AIDA: variants seen among roughly 807,000 people sequenced by gnomAD.
The protein encoded by AIDA is axin interactor, dorsalization associated, also known as axin interactor, dorsalization-associated protein.
Under a neutral mutation model 42.7 loss-of-function variants are expected in AIDA, and 18 were observed. That is an observed-to-expected ratio of 0.42 (90% CI 0.29 to 0.63). The LOEUF (loss-of-function observed/expected upper bound fraction) is 0.63, where lower values mean the gene tolerates loss of function less well. Ranked by LOEUF, AIDA falls within the 20% of genes least tolerant of loss-of-function variation. The pLI is 0.19. For synonymous variants in AIDA, 104 were observed against 122.9 expected (o/e 0.85, Z 1.02); for missense variants, 250 against 354.1 (o/e 0.71, Z 2.36).
chr1:222,681,860 C>G (rs998283314), intron 6 of AIDA, among the ~76,000 whole-genome samples: 6 of 152,154 alleles, frequency 3.9e-5, no homozygotes, highest in South Asian at 2.1e-4. Context: ...GTACCACTCT[C>G]CCTCCTACAG....
At chr1:222,686,141 A>C (rs907733198) in intron 6 of AIDA, among the ~76,000 whole-genome samples, 6 of 152,190 alleles carry the variant, frequency 3.9e-5, no homozygotes, top group African/African-American at 1.4e-4. Context: ...AGCTTGGGTG[A>C]CAGAACGAGA....
chr1:222,673,457 CTTTAGGAACATTCAAA>C, intron 7 of AIDA, 22 bp from the exon 8 acceptor site: 2 of 1,543,142 alleles, frequency 1.3e-6, no homozygotes, highest in Non-Finnish European at 1.7e-6. Flanking sequence ...AGAAGTTTCT[CTTTAGGAACATTCAAA>C]TATACAGACT....
chr1:222,673,901 T>G (rs1256795606), intron 7 of AIDA, among the ~76,000 whole-genome samples: 1 of 151,994 alleles, frequency 6.6e-6, no homozygotes, highest in Non-Finnish European at 1.5e-5. Context: ...CTGACCAACA[T>G]GGGGAAACCC....
chr1:222,691,007 T>C (rs1333681900), intron 4 of AIDA, among the ~76,000 whole-genome samples: 5 of 152,168 alleles, frequency 3.3e-5, no homozygotes, highest in African/African-American at 1.2e-4. Context: ...CAAGTAAGAA[T>C]GTAACTGTGA....
In AIDA at chr1:222,687,042, C is replaced by G; in HGVS notation, c.354-6G>C. The G allele has an allele frequency of 6.2e-7, 1 of 1,611,488 alleles. No homozygotes were observed. Among genetic ancestry groups the G allele is most frequent in the Non-Finnish European group, 8.5e-7 (1 of 1,179,022 alleles). On this transcript the variant is annotated splice_polypyrimidine_tract_variant and splice_region_variant and intron_variant, in intron 5 of 9. Transcript: ENST00000340020. ...CACCAGGTGCCAAAATTCTTCTACA[C>G]AAAAAAAGGGCAGAAAAAACAACAA...
intron 6 of AIDA, among the ~76,000 whole-genome samples, chr1:222,682,121 C>G (rs1402360015): frequency 6.6e-6 from 1 of 152,164 alleles, no homozygotes; most frequent in African/African-American, 2.4e-5. Flanking sequence ...TGTCTTCACA[C>G]AGAGAAGAGG....
chr1:222,710,502 G>C (rs1321122304), intron 1 of AIDA, among the ~76,000 whole-genome samples: 1 of 152,138 alleles, frequency 6.6e-6, no homozygotes, highest in Non-Finnish European at 1.5e-5. Context: ...ACAGCTGCTA[G>C]GTCTCACCAC....
rs1391354230 is a variant in AIDA, at chr1:222,687,028, A to C, written c.362T>G (p.Leu121Trp). 6.2e-7 allele frequency: 1 copy of C among 1,613,168 alleles called. No individual in the cohort carries two copies. The highest frequency in any genetic ancestry group is 1.3e-5 in the African/African-American group (1 of 74,918). The change falls in exon 6 of 10, where the codon TTG becomes TGG. Residue 121 changes from leucine (L) to tryptophan (W), a missense_variant. Leu to Trp is a moderately conservative substitution (Grantham distance 61). Transcript: ENST00000340020. ...DVQPVPLRRILAPGEEENLEF... is the reference protein window; with the variant it reads ...DVQPVPLRRIWAPGEEENLEF... ...CAAATTCTCTTCTTCACCAGGTGCC[A>C]AAATTCTTCTACACAAAAAAAGGGC...
At chr1:222,673,202 T>G (rs1010763029) in intron 8 of AIDA, 111 bp downstream of exon 8, 2 of 988,126 alleles carry the variant, frequency 2.0e-6, no homozygotes, top group Non-Finnish European at 2.8e-6. Context: ...AAACACTATG[T>G]TACATTTACT....
At position 222,694,812 on chromosome 1, in the gene AIDA, G is replaced by A. The variant is rs1337144364; in HGVS notation, c.181-549C>T. On this transcript the variant is annotated intron_variant, in intron 2 of 9. Transcript: ENST00000340020. ...TAATGATAGGGCATAGATAGTGTTT[G>A]CCTTTAATAAGCTCATGTTGCATTA... is the stretch of plus-strand genomic sequence containing the variant. 4.6e-5 allele frequency among the ~76,000 whole-genome samples: 7 copies of A among 152,272 alleles called. No individual in the cohort carries two copies. In the East Asian group the frequency reaches 1.3e-3, roughly 29 times the overall value.
chr1:222,699,937 A>C (rs1186862940), intron 2 of AIDA, among the ~76,000 whole-genome samples: 1 of 152,100 alleles, frequency 6.6e-6, no homozygotes, highest in African/African-American at 2.4e-5. Flanking sequence ...ACGCTGGCTA[A>C]TTTTTTGTAT....
chr1:222,673,277 T>C (rs1388669924), intron 8 of AIDA, 36 bp downstream of exon 8: 1 of 1,570,774 alleles, frequency 6.4e-7, no homozygotes, highest in Non-Finnish European at 8.6e-7. Flanking sequence ...GAGAATTCTG[T>C]CCATAAGAAG....
At chr1:222,697,293 T>C (rs1421248219) in intron 2 of AIDA, among the ~76,000 whole-genome samples, 13 of 146,744 alleles carry the variant, frequency 8.9e-5, no homozygotes, top group South Asian at 6.7e-4. Flanking sequence ...AATACCTCCA[T>C]AGGCATTATT....
chr1:222,703,234 T>C lies in AIDA; in HGVS notation c.111-17A>G, dbSNP rs200576098. The C allele has an allele frequency of 6.3e-7, 1 of 1,591,542 alleles. No individual in the cohort carries two copies. Among genetic ancestry groups the C allele is most frequent in the Admixed American group, 1.8e-5 (1 of 56,244 alleles). On this transcript the variant is annotated splice_polypyrimidine_tract_variant and intron_variant, in intron 1 of 9. Coordinates refer to ENST00000340020, the MANE Select transcript of AIDA (RefSeq NM_022831.4). ...CTTGCTAATCTGTAAGAAGAAAACA[T>C]ATTCTTTAGAATGGAAGAAAAGCAA...
intron 6 of AIDA, 26 bp downstream of exon 6, chr1:222,686,904 G>A: frequency 6.2e-7 from 1 of 1,604,294 alleles, no homozygotes; most frequent in African/African-American, 1.3e-5. Flanking sequence ...GTTAAATAAT[G>A]TTTATTTTTA....
At chr1:222,681,022 TA>T (rs915826332) in intron 6 of AIDA, among the ~76,000 whole-genome samples, 1 of 150,540 alleles carries the variant, frequency 6.6e-6, no homozygotes, top group African/African-American at 2.4e-5. Context: ...TGATAAACTA[TA>T]AAAAAAAAGC....
chr1:222,690,340 T>A (rs1403622411), intron 4 of AIDA, among the ~76,000 whole-genome samples: 1 of 152,218 alleles, frequency 6.6e-6, no homozygotes, highest in African/African-American at 2.4e-5. Flanking sequence ...ATGATTACAT[T>A]CTGGCATGTA....
intron 1 of AIDA, among the ~76,000 whole-genome samples, chr1:222,710,254 A>C (rs748841427): frequency 2.6e-5 from 4 of 152,228 alleles, no homozygotes; most frequent in Non-Finnish European, 5.9e-5. Context: ...TAAGCCAATC[A>C]TTACATGTTT....
At chr1:222,671,034 C>T (rs748271442) in intron 8 of AIDA, among the ~76,000 whole-genome samples, 4 of 151,914 alleles carry the variant, frequency 2.6e-5, no homozygotes, top group Non-Finnish European at 5.9e-5. Flanking sequence ...GCCTGGGCAA[C>T]AAGGGGGTGG....
Sources: gnomAD v4.1 joint callset for allele counts (sites outside exome capture counted in the v4.1 genomes callset) on GRCh38, gnomAD v4.1.1 for gene constraint, MANE v1.5 for transcripts, NCBI Gene and HGNC (gene_info 2026-07-23, HGNC 2026-07-21) for gene names.